SPATA7: variants seen among roughly 807,000 people sequenced by gnomAD.
SPATA7 encodes spermatogenesis-associated protein 7.
In SPATA7, 43 loss-of-function variants were observed where a neutral mutation model predicts 51.8. The ratio of observed to expected loss-of-function variants is 0.83; its 90% CI spans 0.65 to 1.07. The LOEUF (loss-of-function observed/expected upper bound fraction) is 1.07. SPATA7 is among the 50% of genes least tolerant of loss of function. SPATA7 has a pLI of 0.00. For missense variants in SPATA7, 683 were observed against 701.3 expected (o/e 0.97, Z 0.30); for synonymous variants, 230 against 252.8 (o/e 0.91, Z 0.86).
chr14:88,395,882 A>G (rs1402383802), intron 3 of SPATA7, among the ~76,000 whole-genome samples: 3 of 151,888 alleles, frequency 2.0e-5, no homozygotes, highest in African/African-American at 7.3e-5. Context: ...TTTTTCCCCA[A>G]GCTTGTTTTG....
intron 1 of SPATA7, among the ~76,000 whole-genome samples, chr14:88,387,987 G>C (rs1238896196): frequency 6.6e-6 from 1 of 152,066 alleles, no homozygotes; most frequent in Non-Finnish European, 1.5e-5. Context: ...GATCACTTGA[G>C]GTCAGGAGTT....
At chr14:88,398,585 T>A (rs1170810288) in intron 4 of SPATA7, among the ~76,000 whole-genome samples, 1 of 151,516 alleles carries the variant, frequency 6.6e-6, no homozygotes, top group Non-Finnish European at 1.5e-5. Flanking sequence ...CATATGTAAC[T>A]AACCTGCACA....
intron 3 of SPATA7, among the ~76,000 whole-genome samples, chr14:88,447,144 C>T: frequency 6.7e-6 from 1 of 148,214 alleles, no homozygotes. Context: ...TCACTCAGGA[C>T]TTGCTTTATG....
At chr14:88,458,822 A>G (rs967448990), downstream of SPATA7, among the ~76,000 whole-genome samples, 1 of 152,090 alleles carries the variant, frequency 6.6e-6, no homozygotes, top group Non-Finnish European at 1.5e-5. Context: ...TTAGGGTGTC[A>G]ATTTTACATC....
chr14:88,416,611 C>G, intron 4 of SPATA7, 100 bp from the exon 5 acceptor site: 1 of 1,134,566 alleles, frequency 8.8e-7, no homozygotes, highest in Non-Finnish European at 1.3e-6. Context: ...CATATCATAA[C>G]ATTTTAACAA....
At chr14:88,454,346 G>C (rs1260633713) in intron 3 of SPATA7, among the ~76,000 whole-genome samples, 3 of 152,044 alleles carry the variant, frequency 2.0e-5, no homozygotes, top group Admixed American at 2.0e-4. Flanking sequence ...TGTCCACCTG[G>C]ATAATCCAGG....
intron 4 of SPATA7, chr14:88,416,409 C>CT (rs536916579): frequency 0.018 from 2,213 of 121,026 alleles, 50 homozygotes; most frequent in African/African-American, 0.053. Context: ...TGTTGGCATT[C>CT]TTTTTTTTTT....
At position 88,469,490 on chromosome 14, in the gene SPATA7, GTCAC is replaced by G. The variant is rs1273629802; in HGVS notation, c.255-352_255-349del. 4 of 1,599,018 alleles carry G rather than the reference GTCAC, an allele frequency of 2.5e-6. No homozygotes were observed. The South Asian group carries it at 3.3e-5, about 13-fold the overall frequency. The stretch of plus-strand genomic sequence containing the variant: ...CAGCTGTCCTCGGAACAAAGTTAAA[GTCAC>G]TCACATAAAAATCCCTTGAGGTCTT... On this transcript the variant is annotated intron_variant, in intron 4 of 4. Transcript: ENST00000556406. This position sits in a 1 kb window ranked among gnomAD's most constrained non-coding sequence, Gnocchi z 4.3.
chr14:88,401,836 C>CAAAAAA (rs57942112), intron 4 of SPATA7, among the ~76,000 whole-genome samples: 2 of 33,222 alleles, frequency 6.0e-5, no homozygotes, highest in East Asian at 1.1e-3. Context: ...GACCCTGTCT[C>CAAAAAA]AAAAAAAAAA....
intron 4 of SPATA7, among the ~76,000 whole-genome samples, chr14:88,402,261 C>T (rs1447671474): frequency 6.6e-6 from 1 of 152,132 alleles, no homozygotes; most frequent in Non-Finnish European, 1.5e-5. Context: ...CTATAGAAAT[C>T]CCAAAGACAT....
Position 88,469,467 on chromosome 14 carries a change from G to A in SPATA7, c.255-380G>A, listed in dbSNP as rs777466942. On this transcript the variant is annotated intron_variant, in intron 4 of 4. Coordinates refer to the SPATA7 transcript ENST00000556406. The surrounding 1 kb of genome is among the most constrained non-coding windows in gnomAD (Gnocchi z 4.3). ...TCTCTGTTTAACACCTCCAGAGGCA[G>A]CTGTCCTCGGAACAAAGTTAAAGTC... 6.5e-7 allele frequency: 1 copy of A among 1,534,356 alleles called. No individual in the cohort carries two copies. The highest frequency in any genetic ancestry group is 9.0e-7 in the Non-Finnish European group (1 of 1,108,128).
At chr14:88,423,375 A>C (rs1049885553) in intron 5 of SPATA7, among the ~76,000 whole-genome samples, 3 of 128,276 alleles carry the variant, frequency 2.3e-5, no homozygotes, top group African/African-American at 6.9e-5. Flanking sequence ...CCATCTCTAC[A>C]AAAAAAAAAA....
At chr14:88,454,768 A>G (rs1343982546) in intron 3 of SPATA7, among the ~76,000 whole-genome samples, 1 of 152,122 alleles carries the variant, frequency 6.6e-6, no homozygotes, top group African/African-American at 2.4e-5. Context: ...TGATCAGGCC[A>G]CTTCACTCCA....
chr14:88,419,802 A>G (rs1228512844), intron 5 of SPATA7, among the ~76,000 whole-genome samples: 1 of 151,582 alleles, frequency 6.6e-6, no homozygotes, highest in African/African-American at 2.4e-5. Flanking sequence ...TGTGATAATC[A>G]TTGTCTTTTT....
intron 4 of SPATA7, chr14:88,414,591 G>C: frequency 3.2e-6 from 1 of 312,122 alleles, no homozygotes. Context: ...TCTACTACTA[G>C]CTTTGGGATT....
At chr14:88,418,949 T>C (rs1031513223) in intron 5 of SPATA7, among the ~76,000 whole-genome samples, 1 of 152,220 alleles carries the variant, frequency 6.6e-6, no homozygotes, top group Admixed American at 6.5e-5. Context: ...AGCACTTGTT[T>C]TATGTCCCAG....
intron 4 of SPATA7, among the ~76,000 whole-genome samples, chr14:88,461,424 C>G (rs1008247569): frequency 6.6e-6 from 1 of 152,220 alleles, no homozygotes; most frequent in African/African-American, 2.4e-5. Context: ...GCCCCTCCCC[C>G]AGCCTCGCTG....
intron 4 of SPATA7, among the ~76,000 whole-genome samples, chr14:88,403,809 A>C (rs1320323018): frequency 6.6e-6 from 1 of 152,206 alleles, no homozygotes; most frequent in Non-Finnish European, 1.5e-5. Context: ...AAGTTGAGTA[A>C]GTTCTGGAGA....
chr14:88,451,329 C>A lies in SPATA7; in HGVS notation c.178-3731C>A, dbSNP rs1044522515. Among the ~76,000 whole-genome samples the A allele has an allele frequency of 2.0e-5, 3 of 152,060 alleles. No individual in the cohort carries two copies. The East Asian group carries it at 5.8e-4, about 30-fold the overall frequency. ...GGATTACAGGCGTCTGCCACCACAG[C>A]TGGTTAATTTTTCTATTTTTAGTAG... On this transcript the variant is annotated intron_variant, in intron 3 of 3. Transcript: ENST00000554802.
Sources: allele counts gnomAD v4.1 joint callset (sites outside exome capture counted in the v4.1 genomes callset), GRCh38; gene constraint gnomAD v4.1.1; non-coding constraint Gnocchi (gnomAD v3.1); transcripts MANE v1.5; gene names NCBI Gene and HGNC (gene_info 2026-07-23, HGNC 2026-07-21).